MOGAT3: variants seen among roughly 807,000 people sequenced by gnomAD.
The protein encoded by MOGAT3 is 2-acylglycerol O-acyltransferase 3.
A neutral mutation model predicts 34.4 loss-of-function variants in MOGAT3; 39 were observed. The observed-to-expected ratio is 1.13, with a 90% CI of 0.88 to 1.48. The LOEUF (loss-of-function observed/expected upper bound fraction) is 1.48, where lower values mean the gene tolerates loss of function less well. Among genes scored for constraint, MOGAT3 ranks in the 40% most tolerant of loss-of-function variants. The pLI is 0.00. For synonymous variants in MOGAT3, 209 were observed against 179.2 expected (o/e 1.17, Z -1.33); for missense variants, 439 against 438.9 (o/e 1.00, Z 0.00).
In MOGAT3 at chr7:101,200,151, C is replaced by T. The variant is rs900089050; in HGVS notation, c.288+83G>A. 6 of 1,208,544 alleles carry T rather than the reference C, an allele frequency of 5.0e-6. No individual in the cohort carries two copies. In the African/African-American group the frequency reaches 9.0e-5, roughly 18 times the overall value. 74.9% of individuals were successfully genotyped at this position (1,208,544 alleles called of 1,614,324 possible). On this transcript the variant is annotated intron_variant, in intron 3 of 6. Coordinates refer to ENST00000223114, the MANE Select transcript of MOGAT3 (RefSeq NM_178176.4). ...GAGCTTAGGCAGCGGGGAGCTCAGG[C>T]CCCAGCACAAGGAAGGGCTCCTAGG...
intron 1 of MOGAT3, 110 bp downstream of exon 1, chr7:101,200,636 C>A: frequency 1.6e-6 from 2 of 1,267,294 alleles, no homozygotes; most frequent in Non-Finnish European, 2.2e-6. Context: ...TCTCCCAGAC[C>A]AGTCACCTGG....
chr7:101,196,294 G>A lies in MOGAT3; in HGVS notation c.764C>T (p.Thr255Ile), dbSNP rs1161721346. 1.2e-6 allele frequency: 2 copies of A among 1,613,688 alleles called. No homozygotes were observed. Among genetic ancestry groups the A allele is most frequent in the East Asian group, 2.2e-5 (1 of 44,888 alleles). ...TGSWQHWCQL[T>I]FKKLMGFSPC... ...AGAGAAGCCCATGAGCTTCTTGAAG[G>A]TGAGCTGGCACCAATGCTGCCAGGA... The change falls in exon 6 of 7, where the codon ACC becomes ATC. Residue 255 changes from threonine to isoleucine, a missense_variant. Coordinates refer to ENST00000223114, the MANE Select transcript of MOGAT3 (RefSeq NM_178176.4).
rs767647355 is a variant in MOGAT3, at chr7:101,196,247, C to T, written c.811G>A (p.Gly271Ser). 6.0e-5 allele frequency: 96 copies of T among 1,601,626 alleles called. No homozygotes were observed. The South Asian group carries it at 8.5e-4, about 14-fold the overall frequency. ...GFSPCIFWGR[G>S]LFSATSWGLL... ...CCCCAGGAGGTGGCTGAGAAGAGAC[C>T]GCGACCCCAGAAGATGCAAGGAGAG... is the stretch of plus-strand genomic sequence containing the variant. The change falls in exon 6 of 7, where the codon GGT becomes AGT. Residue 271 changes from glycine (G) to serine (S), a missense_variant. By Grantham distance (56) the Gly-to-Ser change is moderately conservative. Transcript: ENST00000223114.
intron 3 of MOGAT3, 144 bp downstream of exon 3, chr7:101,200,090 A>C: frequency 2.5e-6 from 1 of 400,986 alleles, no homozygotes; most frequent in Non-Finnish European, 4.5e-6. Context: ...ACTCAGTCTA[A>C]AAAAAAAAAA....
rs1797858161 is a variant in MOGAT3, at chr7:101,198,383, T to G, written c.494-18A>C. On this transcript the variant is annotated intron_variant, in intron 4 of 6. Coordinates refer to ENST00000223114, the MANE Select transcript of MOGAT3 (RefSeq NM_178176.4). ...ACAGAGTCCTGTGGGCAGGAGGAGGTGGAAAGTAGTTCCCATCTGCCTCCA... is the reference window on the plus strand; with the variant it reads ...ACAGAGTCCTGTGGGCAGGAGGAGGGGGAAAGTAGTTCCCATCTGCCTCCA... 3.9e-6 allele frequency: 6 copies of G among 1,525,102 alleles called. No individual in the cohort carries two copies. Among genetic ancestry groups the G allele is most frequent in the Non-Finnish European group, 5.3e-6 (6 of 1,135,512 alleles). 94.5% of individuals were successfully genotyped at this position (1,525,102 alleles called of 1,614,324 possible).
rs753097625 is a variant in MOGAT3 at position 101,200,873 on chromosome 7, C to G, written c.-19G>C. On this transcript the variant is annotated 5_prime_UTR_variant, in exon 1 of 7. Coordinates refer to ENST00000223114, the MANE Select transcript of MOGAT3 (RefSeq NM_178176.4). ...CTCCCATTGCAGAAGCTCCCCTCTT[C>G]CAGCAGGATCCCAGAACCCGGAGGA... The G allele has an allele frequency of 6.3e-7, 1 of 1,592,280 alleles. No homozygotes were observed. Among genetic ancestry groups the G allele is most frequent in the South Asian group, 1.1e-5 (1 of 88,914 alleles).
chr7:101,196,658 C>T (rs1797797231), intron 5 of MOGAT3, among the ~76,000 whole-genome samples: 1 of 152,128 alleles, frequency 6.6e-6, no homozygotes, highest in African/African-American at 2.4e-5. Context: ...CATTTGAGGT[C>T]AGGAGTTGGA....
At chr7:101,196,961 G>A (rs893799083) in intron 5 of MOGAT3, among the ~76,000 whole-genome samples, 3 of 151,902 alleles carry the variant, frequency 2.0e-5, no homozygotes, top group African/African-American at 4.8e-5. Context: ...TCAGGAGTTC[G>A]AGACCACCCT....
rs1390747219 is a variant in MOGAT3 at position 101,198,695 on chromosome 7, G to A, written c.424C>T (p.Arg142Trp). 3.1e-6 allele frequency: 5 copies of A among 1,613,536 alleles called. No homozygotes were observed. In the African/African-American group the frequency reaches 6.7e-5, roughly 22 times the overall value. Residue 142 changes from arginine (R) to tryptophan (W), a missense_variant, in exon 4 of 7, where the codon CGG becomes TGG. Coordinates refer to ENST00000223114, the MANE Select transcript of MOGAT3 (RefSeq NM_178176.4). The part of the protein sequence containing the change: ...NGFSQLFPGL[R>W]PWLAVLAGLF... ...CCAGCCAGCACGGCTAACCAGGGCC[G>A]GAGCCCCGGGAAGAGCTGGGAGAAG...
intron 3 of MOGAT3, 108 bp from the exon 4 acceptor site, chr7:101,198,938 G>T: frequency 4.3e-6 from 4 of 925,412 alleles, no homozygotes; most frequent in Non-Finnish European, 6.8e-6. Context: ...TTAGGATAGG[G>T]TCAAGGGCCA....
chr7:101,194,200 C>CT (rs1797731750), downstream of MOGAT3, among the ~76,000 whole-genome samples: 1 of 147,404 alleles, frequency 6.8e-6, no homozygotes, highest in Non-Finnish European at 1.5e-5. Flanking sequence ...ATTTTTTTTT[C>CT]TTTTTAGCCG....
rs1797939163 is a variant in MOGAT3, at chr7:101,200,874, C to T, written c.-20G>A. 6 of 1,592,418 alleles carry T rather than the reference C, an allele frequency of 3.8e-6. No individual in the cohort carries two copies. Among genetic ancestry groups the T allele is most frequent in the Non-Finnish European group, 5.2e-6 (6 of 1,164,914 alleles). On this transcript the variant is annotated 5_prime_UTR_variant, in exon 1 of 7. Transcript: ENST00000223114. ...TCCCATTGCAGAAGCTCCCCTCTTC[C>T]AGCAGGATCCCAGAACCCGGAGGAC...
At chr7:101,194,369 G>A (rs530205428), downstream of MOGAT3, among the ~76,000 whole-genome samples, 75 of 151,802 alleles carry the variant, frequency 4.9e-4, no homozygotes, top group African/African-American at 1.7e-3. Context: ...TGTATTTTTA[G>A]TAGAGACGGG....
chr7:101,193,880 T>C (rs1797726691), downstream of MOGAT3, among the ~76,000 whole-genome samples: 1 of 152,214 alleles, frequency 6.6e-6, no homozygotes, highest in Non-Finnish European at 1.5e-5. Context: ...GAAGCAAATA[T>C]AGGGCATTCC....
downstream of MOGAT3, among the ~76,000 whole-genome samples, chr7:101,194,251 G>A (rs186633542): frequency 1.6e-3 from 249 of 151,696 alleles, no homozygotes; most frequent in Non-Finnish European, 2.4e-3. Flanking sequence ...GCAATGGTGC[G>A]ATCTTGGCTC....
Position 101,200,962 on chromosome 7 carries a change from G to T in MOGAT3, c.-108C>A. On this transcript the variant is annotated 5_prime_UTR_variant, in exon 1 of 7. Coordinates refer to ENST00000223114, the MANE Select transcript of MOGAT3 (RefSeq NM_178176.4). ...TCTCCCTACAGGAGCCCAGCTTTGG[G>T]GGCCTGGCTAAGTCGCAAATCACCT... The T allele has an allele frequency of 1.2e-6, 1 of 849,612 alleles. No individual in the cohort carries two copies. Among genetic ancestry groups the T allele is most frequent in the Non-Finnish European group, 1.8e-6 (1 of 545,824 alleles). The allele number at this position is 849,612 out of a possible 1,614,324, so 52.6% of individuals were successfully genotyped here. A position where few individuals can be genotyped will look rare whatever the true frequency, so the allele number is the denominator to read the frequency against.
chr7:101,196,220 G>T lies in MOGAT3; in HGVS notation c.838C>A (p.Leu280Met). Residue 280 changes from leucine (L) to methionine (M), a missense_variant, in exon 6 of 7, where the codon CTG (leucine) becomes ATG (methionine). Leu to Met is a conservative substitution (Grantham distance 15, BLOSUM62 2). Transcript: ENST00000223114. The stretch of plus-strand genomic sequence containing the variant: ...GTGATGGGCACAGCAAAGGGCAGCA[G>T]GCCCCAGGAGGTGGCTGAGAAGAGA... ...RGLFSATSWGLLPFAVPITTV... is the reference protein window; with the variant it reads ...RGLFSATSWGMLPFAVPITTV... 2 of 1,586,664 alleles carry T rather than the reference G, an allele frequency of 1.3e-6. No individual in the cohort carries two copies. The highest frequency in any genetic ancestry group is 1.7e-6 in the Non-Finnish European group (2 of 1,166,144).
downstream of MOGAT3, among the ~76,000 whole-genome samples, chr7:101,194,723 G>T (rs890310169): frequency 5.3e-5 from 8 of 151,602 alleles, no homozygotes; most frequent in South Asian, 6.3e-4. Context: ...GGATGGTCTC[G>T]ATCTCCTGAC....
chr7:101,200,638 G>A (rs1434555144), intron 1 of MOGAT3, 108 bp downstream of exon 1: 2 of 1,263,478 alleles, frequency 1.6e-6, no homozygotes, highest in East Asian at 2.5e-5. Context: ...TCCCAGACCA[G>A]TCACCTGGTC....
Sources: allele counts gnomAD v4.1 joint callset (sites outside exome capture counted in the v4.1 genomes callset), GRCh38; gene constraint gnomAD v4.1.1; transcripts MANE v1.5; gene names NCBI Gene and HGNC (gene_info 2026-07-23, HGNC 2026-07-21).